The following FANCL variants were observed in gnomAD, a reference collection of about 807,000 sequenced individuals.
FANCL encodes the protein E3 ubiquitin-protein ligase FANCL.
FANCL carries 69 observed loss-of-function variants against 59.4 expected under a neutral mutation model. That is an observed-to-expected ratio of 1.16 (90% CI 0.96 to 1.42). The LOEUF is 1.42. Among genes scored for constraint, FANCL ranks in the 40% most tolerant of loss-of-function variants. The pLI, the probability that FANCL is intolerant of heterozygous loss-of-function variation, is 0.00. For synonymous variants in FANCL, 180 were observed against 147.1 expected (o/e 1.22, Z -1.62); for missense variants, 519 against 447.2 (o/e 1.16, Z -1.45).
chr2:58,225,187 TAATTA>T (rs1317205595), intron 4 of FANCL, among the ~76,000 whole-genome samples: 1 of 150,962 alleles, frequency 6.6e-6, no homozygotes, highest in African/African-American at 2.4e-5. Context: ...ATAAAAAAAT[TAATTA>T]AATATATAAA....
At chr2:58,198,705 G>A in intron 6 of FANCL, 43 bp from the exon 7 acceptor site, 1 of 1,474,160 alleles carries the variant, frequency 6.8e-7, no homozygotes, top group Non-Finnish European at 9.5e-7. Context: ...GCTTCTGTGT[G>A]TTAATATCAC....
intron 7 of FANCL, among the ~76,000 whole-genome samples, chr2:58,189,032 C>T (rs978519622): frequency 6.6e-6 from 1 of 152,150 alleles, no homozygotes; most frequent in Non-Finnish European, 1.5e-5. Flanking sequence ...ATATAAGATT[C>T]TGTAAACTGC....
chr2:58,210,248 T>C (rs117153514), intron 5 of FANCL, among the ~76,000 whole-genome samples: 1 of 152,290 alleles, frequency 6.6e-6, no homozygotes, highest in East Asian at 1.9e-4. Flanking sequence ...CACAGTTCCA[T>C]GTGGCTGGGG....
chr2:58,217,935 G>C (rs970507665), intron 5 of FANCL, among the ~76,000 whole-genome samples: 2 of 152,030 alleles, frequency 1.3e-5, no homozygotes, highest in Admixed American at 6.5e-5. Flanking sequence ...TACCAAAATT[G>C]ACAAGGTGCT....
At chr2:58,240,819 G>C (rs1028335362) in intron 1 of FANCL, among the ~76,000 whole-genome samples, 1 of 152,146 alleles carries the variant, frequency 6.6e-6, no homozygotes, top group Non-Finnish European at 1.5e-5. Flanking sequence ...AAAATAATTA[G>C]CCCAGATTCC....
chr2:58,204,302 A>C, intron 5 of FANCL, 76 bp from the exon 6 acceptor site: 2 of 1,087,736 alleles, frequency 1.8e-6, no homozygotes. Flanking sequence ...GTTGAATTTG[A>C]AATGAAAATA....
At chr2:58,187,062 T>G (rs569739372) in intron 7 of FANCL, among the ~76,000 whole-genome samples, 1 of 152,142 alleles carries the variant, frequency 6.6e-6, no homozygotes, top group Non-Finnish European at 1.5e-5. Flanking sequence ...ATCCCATGAC[T>G]GGGTATATAC....
Position 58,241,237 on chromosome 2 carries a change from T to C in FANCL, c.77A>G (p.Glu26Gly), listed in dbSNP as rs1694515690. 1 of 1,614,102 alleles carries C rather than the reference T, an allele frequency of 6.2e-7. No homozygotes were observed. The highest frequency in any genetic ancestry group is 1.7e-5 in the Admixed American group (1 of 60,014). ...GGGTACCTGAGCCGAGATGAATCCC[T>C]CATACACGGTTTTCGACCGGTTCTG... The part of the protein sequence containing the change: ...LPQNRSKTVY[E>G]GFISAQGRDF... Residue 26 changes from glutamate to glycine, a missense_variant, in exon 1 of 14, where the codon GAG (glutamate) becomes GGG (glycine). Transcript: ENST00000233741.
chr2:58,173,929 A>G (rs1305714403), intron 7 of FANCL, among the ~76,000 whole-genome samples: 1 of 152,072 alleles, frequency 6.6e-6, no homozygotes, highest in South Asian at 2.1e-4. Context: ...TCAAAATAAA[A>G]GGATGGAGGA....
rs766104531 is a variant in FANCL, at chr2:58,241,316, C to G, written c.-3G>C. On this transcript the variant is annotated 5_prime_UTR_variant, in exon 1 of 14. Transcript: ENST00000233741. ...AGGCTCGCTTCCGTCACCGCCATGGCTCGAAGTCCGGAGAAACACAGAAAA... is the reference window on the plus strand; with the variant it reads ...AGGCTCGCTTCCGTCACCGCCATGGGTCGAAGTCCGGAGAAACACAGAAAA... The G allele has an allele frequency of 7.2e-5, 117 of 1,613,902 alleles. No individual in the cohort carries two copies. Among genetic ancestry groups the G allele is most frequent in the Non-Finnish European group, 9.4e-5 (111 of 1,179,982 alleles).
chr2:58,227,672 T>C (rs1156583898), intron 3 of FANCL, among the ~76,000 whole-genome samples: 2 of 152,198 alleles, frequency 1.3e-5, no homozygotes, highest in African/African-American at 4.8e-5. Context: ...CTTGTGTGTG[T>C]GTGTGCCTGC....
chr2:58,173,758 A>T (rs1248514636), intron 7 of FANCL, among the ~76,000 whole-genome samples: 1 of 152,188 alleles, frequency 6.6e-6, no homozygotes, highest in Non-Finnish European at 1.5e-5. Context: ...CTAACATCAT[A>T]ATGACAGGAT....
intron 7 of FANCL, among the ~76,000 whole-genome samples, chr2:58,197,061 T>C (rs574750839): frequency 2.1e-4 from 32 of 151,742 alleles, no homozygotes; most frequent in Non-Finnish European, 3.8e-4. Flanking sequence ...ATTTTACTTA[T>C]AGCATACATC....
At position 58,240,318 on chromosome 2, in the gene FANCL, C is replaced by T. The variant is rs377039440; in HGVS notation, c.96+900G>A. Among the ~76,000 whole-genome samples, 7 of 152,216 alleles carry T rather than the reference C, an allele frequency of 4.6e-5. No homozygotes were observed. In the South Asian group the frequency reaches 6.2e-4, roughly 14 times the overall value. ...TGGTAATTCCACATATACTCAAAGA[C>T]TATGCGTGATGGTGGGGAAGTGGGC... On this transcript the variant is annotated intron_variant, in intron 1 of 13. Transcript: ENST00000233741.
At position 58,219,276 on chromosome 2, in the gene FANCL, C is replaced by A. The variant is rs1030175553; in HGVS notation, c.374+2666G>T. On this transcript the variant is annotated intron_variant, in intron 5 of 13. Transcript: ENST00000233741. Reference sequence around the variant, plus strand: ...GAGCTCTCAATGGCCAAAGCTAGAACAAATTGAGCAAGAAAATAAAATAGT... The same window carrying A: ...GAGCTCTCAATGGCCAAAGCTAGAAAAAATTGAGCAAGAAAATAAAATAGT... 6.0e-5 allele frequency among the ~76,000 whole-genome samples: 8 copies of A among 132,942 alleles called. No individual in the cohort carries two copies. In the East Asian group the frequency reaches 1.4e-3, roughly 24 times the overall value. The allele number at this position is 132,942 out of a possible 152,430, so 87.2% of individuals were successfully genotyped here.
At chr2:58,187,094 T>C (rs1302207349) in intron 7 of FANCL, among the ~76,000 whole-genome samples, 3 of 152,086 alleles carry the variant, frequency 2.0e-5, no homozygotes, top group East Asian at 1.9e-4. Flanking sequence ...TAAACCATGT[T>C]ACTATAAAAA....
At chr2:58,172,337 C>A (rs1258202365) in intron 7 of FANCL, among the ~76,000 whole-genome samples, 1 of 152,332 alleles carries the variant, frequency 6.6e-6, no homozygotes, top group Non-Finnish European at 1.5e-5. Context: ...AGCAGCCTAA[C>A]TGGGAGGCAC....
At chr2:58,238,798 A>G (rs535684283) in intron 1 of FANCL, among the ~76,000 whole-genome samples, 1 of 152,302 alleles carries the variant, frequency 6.6e-6, no homozygotes, top group Non-Finnish European at 1.5e-5. Context: ...GGTGCATAGT[A>G]AATTGACATC....
Position 58,169,150 on chromosome 2 carries a change from G to C in FANCL, c.541-3276C>G, listed in dbSNP as rs146331813. On this transcript the variant is annotated intron_variant, in intron 7 of 13. Coordinates refer to ENST00000233741, the MANE Select transcript of FANCL (RefSeq NM_018062.4). Reference sequence around the variant, plus strand: ...AGGGGTCAAAAGACAACTCATACAGGAGAGCTCCAGCTGGCATCTGGAGGA... The same window carrying C: ...AGGGGTCAAAAGACAACTCATACAGCAGAGCTCCAGCTGGCATCTGGAGGA... Among the ~76,000 whole-genome samples, 766 of 152,256 alleles carry C rather than the reference G, an allele frequency of 5.0e-3. 8 individuals are homozygous for C. The highest frequency in any genetic ancestry group is 0.025 in the South Asian group (120 of 4,818).
Sources: gnomAD v4.1 joint callset for allele counts (sites outside exome capture counted in the v4.1 genomes callset) on GRCh38, gnomAD v4.1.1 for gene constraint, MANE v1.5 for transcripts, NCBI Gene and HGNC (gene_info 2026-07-23, HGNC 2026-07-21) for gene names.